Variants in MACF1 observed in about 807,000 individuals in gnomAD.
MACF1 encodes the protein microtubule actin crosslinking factor 1.
Under a neutral mutation model 854.8 loss-of-function variants are expected in MACF1, and 193 were observed. The observed-to-expected ratio is 0.23, with a 90% CI of 0.20 to 0.25. MACF1 has a LOEUF of 0.25. MACF1 is among the 10% of genes least tolerant of loss of function. MACF1 has a pLI of 1.00. For missense variants in MACF1, 7,722 were observed against 8,929.1 expected, an observed-to-expected ratio of 0.86 and a Z score of 5.45; for synonymous variants, 3,185 against 3,226.7, an observed-to-expected ratio of 0.99 and a Z score of 0.44.
Position 39,453,826 on chromosome 1 carries a change from C to T in MACF1, c.20862C>T (p.Thr6954=). Residue 6954 remains threonine, a synonymous_variant, in exon 88 of 101, where the codon ACC becomes ACT. Coordinates refer to ENST00000564288, the MANE Select transcript of MACF1 (RefSeq NM_001394062.1). The part of the protein sequence containing the change: ...DCITTIKHWI[T]IIRARFEEVL... ...TCACAACCATCAAACACTGGATCAC[C>T]ATCATCCGAGCTCGCTTCGAGGAGG... 2 of 1,614,188 alleles carry T rather than the reference C, an allele frequency of 1.2e-6. No homozygotes were observed. The highest frequency in any genetic ancestry group is 1.7e-6 in the Non-Finnish European group (2 of 1,180,038).
At chr1:39,268,984 A>G in intron 6 of MACF1, 2 of 1,287,140 alleles carry the variant, frequency 1.6e-6, no homozygotes, top group South Asian at 2.5e-5. Flanking sequence ...TCAGCCCCCA[A>G]CTCACGGGTA....
At chr1:39,117,642 A>G (rs1042889475) in intron 2 of MACF1, among the ~76,000 whole-genome samples, 2 of 151,902 alleles carry the variant, frequency 1.3e-5, no homozygotes, top group Non-Finnish European at 2.9e-5. Context: ...CTTTGTGTAT[A>G]CAGACTTCCT....
rs1643763857 is a variant in MACF1, at chr1:39,427,439, C to G, written c.16317-16C>G. The G allele has an allele frequency of 7.4e-6, 12 of 1,611,516 alleles. No individual in the cohort carries two copies. Among genetic ancestry groups the G allele is most frequent in the Non-Finnish European group, 1.0e-5 (12 of 1,178,810 alleles). On this transcript the variant is annotated splice_polypyrimidine_tract_variant and intron_variant, in intron 61 of 100. Coordinates refer to ENST00000564288, the MANE Select transcript of MACF1 (RefSeq NM_001394062.1). The stretch of plus-strand genomic sequence containing the variant: ...GACTTTTCTTCCTGAGCAGCTTGTT[C>G]TATATATTTGTGTAGGCAAAAACAG...
chr1:39,370,990 A>C (rs1315812582), intron 51 of MACF1, among the ~76,000 whole-genome samples: 3 of 152,136 alleles, frequency 2.0e-5, no homozygotes, highest in African/African-American at 7.2e-5. Context: ...TCTGTGAGTA[A>C]AGCCATAGTT....
intron 1 of MACF1, among the ~76,000 whole-genome samples, chr1:39,220,791 T>A: frequency 6.6e-6 from 1 of 152,104 alleles, no homozygotes; most frequent in African/African-American, 2.4e-5. Context: ...GGCTGGCCTT[T>A]AATGAAGTTT....
At chr1:39,373,154 A>T (rs972411539) in intron 52 of MACF1, 1 of 155,492 alleles carries the variant, frequency 6.4e-6, no homozygotes, top group Non-Finnish European at 1.4e-5. Flanking sequence ...AAAATACAAA[A>T]AATTAGCCAG....
rs1446249933 is a variant in MACF1 at position 39,387,933 on chromosome 1, C to T, written c.15091C>T (p.His5031Tyr). The T allele has an allele frequency of 6.2e-7, 1 of 1,613,876 alleles. No individual in the cohort carries two copies. The highest frequency in any genetic ancestry group is 8.5e-7 in the Non-Finnish European group (1 of 1,180,042). The change falls in exon 58 of 101, where the codon CAC becomes TAC. Residue 5031 changes from histidine to tyrosine, a missense_variant. This residue lies in a region of MACF1 where 2,807 missense variants were observed against 3,235.8 expected (regional missense o/e 0.87). Coordinates refer to ENST00000564288, the MANE Select transcript of MACF1 (RefSeq NM_001394062.1). ...NIEKKVEGAK[H>Y]QLEIFDALGS... Reference sequence around the variant, plus strand: ...TGAAAAGAAGGTTGAAGGAGCCAAACACCAACTTGAGATCTTTGATGCTCT... The same window carrying T: ...TGAAAAGAAGGTTGAAGGAGCCAAATACCAACTTGAGATCTTTGATGCTCT...
In MACF1 at chr1:39,333,727, C is replaced by T. The variant is rs1191617009; in HGVS notation, c.7139C>T (p.Thr2380Ile). Reference sequence around the variant, plus strand: ...GGTGTCTTAGACCCCCGTACCCAGACACTGTGCTCTGTAAAGGATGCAGTT... The same window carrying T: ...GGTGTCTTAGACCCCCGTACCCAGATACTGTGCTCTGTAAAGGATGCAGTT... ...ISGVLDPRTQ[T>I]LCSVKDAVTV... The change falls in exon 37 of 101, where the codon ACA (threonine) becomes ATA (isoleucine). Residue 2380 changes from threonine to isoleucine, a missense_variant. Thr to Ile is a moderately conservative substitution (Grantham distance 89). This residue lies in a region of MACF1 where 1,531 missense variants were observed against 1,601.6 expected (regional missense o/e 0.96). Coordinates refer to ENST00000564288, the MANE Select transcript of MACF1 (RefSeq NM_001394062.1). The T allele has an allele frequency of 1.9e-6, 3 of 1,614,162 alleles. No homozygotes were observed. Among genetic ancestry groups the T allele is most frequent in the Admixed American group, 1.7e-5 (1 of 60,026 alleles).
rs1646811703 is a variant in MACF1 at position 39,336,445 on chromosome 1, G to A, written c.9857G>A (p.Gly3286Glu). Residue 3286 changes from glycine (G) to glutamate (E), a missense_variant, in exon 37 of 101, where the codon GGG (glycine) becomes GAG (glutamate). Physicochemically the swap from Gly to Glu is moderately conservative, Grantham distance 98 (BLOSUM62 -2). Transcript: ENST00000564288. ...GGAGTGTCTCAAAAAGAGAATACAGGGCAACAGAATGCCATCATTAGTCCT... is the reference window on the plus strand; with the variant it reads ...GGAGTGTCTCAAAAAGAGAATACAGAGCAACAGAATGCCATCATTAGTCCT... ...FKGVSQKENT[G>E]QQNAIISPTV... 4 of 1,613,976 alleles carry A rather than the reference G, an allele frequency of 2.5e-6. No homozygotes were observed. Among genetic ancestry groups the A allele is most frequent in the Non-Finnish European group, 3.4e-6 (4 of 1,180,002 alleles).
chr1:39,169,549 T>A (rs979954306), intron 2 of MACF1, among the ~76,000 whole-genome samples: 2 of 149,202 alleles, frequency 1.3e-5, no homozygotes, highest in Non-Finnish European at 3.0e-5. Flanking sequence ...CAGGCTGCAG[T>A]GAGCCATGAC....
intron 97 of MACF1, among the ~76,000 whole-genome samples, chr1:39,470,638 T>G (rs1402996046): frequency 6.6e-6 from 1 of 152,194 alleles, no homozygotes; most frequent in Non-Finnish European, 1.5e-5. Context: ...AAGGCAAGAC[T>G]CTTGTCTACA....
chr1:39,414,356 C>T, intron 58 of MACF1: 4 of 1,613,990 alleles, frequency 2.5e-6, no homozygotes, highest in Middle Eastern at 3.3e-4. Context: ...GAGGCTTCCT[C>T]CACTGGAATG....
In MACF1 at chr1:39,409,084, GCGAGCTA is replaced by G. The variant is rs1179434206; in HGVS notation, c.15817-13289_15817-13283del. The stretch of plus-strand genomic sequence containing the variant: ...GCCGCCCGCCAGCCGAGCACTTCCA[GCGAGCTA>G]GCGAGCTAGCGGGTCGCGCTGCGCG... On this transcript the variant is annotated intron_variant, in intron 58 of 100. Coordinates refer to ENST00000564288, the MANE Select transcript of MACF1 (RefSeq NM_001394062.1). This position sits in a 1 kb window ranked among gnomAD's most constrained non-coding sequence, Gnocchi z 4.2. 6.6e-6 allele frequency among the ~76,000 whole-genome samples: 1 copy of G among 151,482 alleles called. No individual in the cohort carries two copies. Among genetic ancestry groups the G allele is most frequent in the African/African-American group, 2.4e-5 (1 of 41,158 alleles).
chr1:39,091,593 T>G (rs576631041), intron 2 of MACF1, among the ~76,000 whole-genome samples: 1 of 152,204 alleles, frequency 6.6e-6, no homozygotes, highest in Non-Finnish European at 1.5e-5. Context: ...CCTCCCAAAT[T>G]CAAGCGATTC....
rs1201272693 is a variant in MACF1, at chr1:39,460,906, C to T, written c.21523+112C>T. On this transcript the variant is annotated intron_variant, in intron 92 of 100. Transcript: ENST00000564288. This position sits in a 1 kb window ranked among gnomAD's most constrained non-coding sequence, Gnocchi z 4.1. ...TCTGAAGCTGGCCAGGAGCTTGGCT[C>T]ACACCTGTAATTCCAGCACTTTGGG... The T allele has an allele frequency of 1.6e-6, 2 of 1,243,570 alleles. No individual in the cohort carries two copies. The highest frequency in any genetic ancestry group is 1.5e-5 in the African/African-American group (1 of 67,320). 77.0% of individuals were successfully genotyped at this position (1,243,570 alleles called of 1,614,324 possible).
chr1:39,468,489 TGA>T (rs1644714381), intron 95 of MACF1, 124 bp from the exon 96 acceptor site: 1 of 710,188 alleles, frequency 1.4e-6, no homozygotes, highest in Non-Finnish European at 2.3e-6. Flanking sequence ...TGCAAAATTG[TGA>T]GAGTTAACAA....
rs1338550091 is a variant in MACF1 at position 39,452,233 on chromosome 1, T to G, written c.20496T>G (p.Asn6832Lys). 6.2e-7 allele frequency: 1 copy of G among 1,614,044 alleles called. No homozygotes were observed. Among genetic ancestry groups the G allele is most frequent in the Admixed American group, 1.7e-5 (1 of 60,008 alleles). ...GGTCAGGCCGAGAGCTGATTGAGAA[T>G]AGTCGAGATGACACCACTTGGGTAA... ...LKRSGRELIE[N>K]SRDDTTWVKG... Residue 6832 changes from asparagine to lysine, a missense_variant, in exon 86 of 101, where the codon AAT becomes AAG. Asn to Lys is a moderately conservative substitution (Grantham distance 94). Coordinates refer to ENST00000564288, the MANE Select transcript of MACF1 (RefSeq NM_001394062.1).
rs1051033558 is a variant in MACF1, at chr1:39,315,382, T to C, written c.3271-131T>C. The stretch of plus-strand genomic sequence containing the variant: ...TCTCCATCGTATGTCTGCTTCATAG[T>C]TTATTCAACCAGCCTCCTATATATG... On this transcript the variant is annotated intron_variant, in intron 26 of 100. Coordinates refer to ENST00000564288, the MANE Select transcript of MACF1 (RefSeq NM_001394062.1). The C allele has an allele frequency of 3.0e-5, 21 of 691,726 alleles. No homozygotes were observed. The South Asian group carries it at 3.8e-4, about 13-fold the overall frequency. 42.8% of individuals were successfully genotyped at this position (691,726 alleles called of 1,614,324 possible).
chr1:39,180,220 T>G (rs1644087076), intron 2 of MACF1, among the ~76,000 whole-genome samples: 1 of 152,074 alleles, frequency 6.6e-6, no homozygotes, highest in Non-Finnish European at 1.5e-5. Flanking sequence ...TCAACCAGAT[T>G]GCAAGATACA....
Sources: gnomAD v4.1 joint callset for allele counts (sites outside exome capture counted in the v4.1 genomes callset) on GRCh38, gnomAD v4.1.1 for gene constraint, gnomAD v4.1.1 regional missense constraint, Gnocchi (gnomAD v3.1) non-coding constraint, MANE v1.5 for transcripts, NCBI Gene and HGNC (gene_info 2026-07-23, HGNC 2026-07-21) for gene names.